PDE3B: variants seen among roughly 807,000 people sequenced by gnomAD.
The protein encoded by PDE3B is cGMP-inhibited 3',5'-cyclic phosphodiesterase 3B.
A neutral mutation model predicts 116.8 loss-of-function variants in PDE3B; 66 were observed. The observed-to-expected ratio is 0.56, with a 90% CI of 0.46 to 0.69. The LOEUF is 0.69. Among genes scored for constraint, PDE3B ranks in the 30% least tolerant of loss-of-function variants. The pLI, the probability that PDE3B is intolerant of heterozygous loss-of-function variation, is 0.00. For synonymous variants in PDE3B, 595 were observed against 533.6 expected, an observed-to-expected ratio of 1.12 and a Z score of -1.59; for missense variants, 1,384 against 1,368.1, an observed-to-expected ratio of 1.01 and a Z score of -0.18.
chr11:14,733,100 CAG>C (rs1473678534), intron 1 of PDE3B, among the ~76,000 whole-genome samples: 1 of 152,084 alleles, frequency 6.6e-6, no homozygotes, highest in Non-Finnish European at 1.5e-5. Flanking sequence ...TACAAAATGA[CAG>C]TGTAAAAATG....
At chr11:14,882,829 G>A in the PDE3B span, among the ~76,000 whole-genome samples, 1 of 152,188 alleles carries the variant, frequency 6.6e-6, no homozygotes, top group Non-Finnish European at 1.5e-5. Context: ...AGCAACTTCA[G>A]CAAATTCTCA....
chr11:14,644,873 C>G lies in PDE3B; in HGVS notation c.798C>G (p.Phe266Leu). The G allele has an allele frequency of 6.2e-7, 1 of 1,614,012 alleles. No homozygotes were observed. The highest frequency in any genetic ancestry group is 1.1e-5 in the South Asian group (1 of 91,082). ...TGCTGGCCCTGGGGTTGGATCACTTCTTTCAAATCAGGGAAGCGCCTCTTC... is the reference window on the plus strand; with the variant it reads ...TGCTGGCCCTGGGGTTGGATCACTTGTTTCAAATCAGGGAAGCGCCTCTTC... ...GCLLALGLDH[F>L]FQIREAPLHP... Residue 266 changes from phenylalanine (F) to leucine (L), a missense_variant, in exon 1 of 16, where the codon TTC becomes TTG. Phe to Leu is a conservative substitution (Grantham distance 22). Coordinates refer to ENST00000282096, the MANE Select transcript of PDE3B (RefSeq NM_000922.4).
Position 14,733,026 on chromosome 11 carries a change from T to C in PDE3B, c.979-38911T>C, listed in dbSNP as rs544967601. 2.6e-5 allele frequency among the ~76,000 whole-genome samples: 4 copies of C among 152,360 alleles called. No homozygotes were observed. In the East Asian group the frequency reaches 7.7e-4, roughly 29 times the overall value. ...TAAATTCCTAATACTTAAAAACGTA[T>C]ATGAAAAATTTATTTTCACAAATCG... On this transcript the variant is annotated intron_variant, in intron 1 of 15. Transcript: ENST00000282096.
At position 14,771,969 on chromosome 11, in the gene PDE3B, G is replaced by T. The variant is rs766300624; in HGVS notation, c.1011G>T (p.Trp337Cys). 2.9e-6 allele frequency: 4 copies of T among 1,364,634 alleles called. No homozygotes were observed. In the South Asian group the frequency reaches 5.8e-5, roughly 20 times the overall value. 84.5% of individuals were successfully genotyped at this position (1,364,634 alleles called of 1,614,324 possible). Residue 337 changes from tryptophan (W) to cysteine (C), a missense_variant, in exon 2 of 16, where the codon TGG becomes TGT. Trp to Cys is a radical substitution (Grantham distance 215). Around this residue, in one of 2 missense-constraint regions of PDE3B, gnomAD observed 956 missense variants for 806.8 expected, o/e 1.18. Coordinates refer to ENST00000282096, the MANE Select transcript of PDE3B (RefSeq NM_000922.4). ...TTTGGGATTGGGACTTAAAACAATG[G>T]TATAAGCCTCATTATCAAGTAAGTA... ...MILWDWDLKQ[W>C]YKPHYQNSGG...
chr11:14,751,882 G>T (rs1397735034), intron 1 of PDE3B, among the ~76,000 whole-genome samples: 1 of 152,086 alleles, frequency 6.6e-6, no homozygotes, highest in Non-Finnish European at 1.5e-5. Flanking sequence ...ATATTTCCAG[G>T]CTGCCCTTGC....
At chr11:14,765,985 A>G (rs940947450) in intron 1 of PDE3B, among the ~76,000 whole-genome samples, 2 of 151,550 alleles carry the variant, frequency 1.3e-5, no homozygotes, top group South Asian at 2.1e-4. Context: ...ATTTTATTAT[A>G]TAGGAGGAAT....
At chr11:14,780,189 G>A (rs76082595) in intron 2 of PDE3B, among the ~76,000 whole-genome samples, 1 of 152,118 alleles carries the variant, frequency 6.6e-6, no homozygotes, top group Non-Finnish European at 1.5e-5. Context: ...CCTACAAAGA[G>A]ACTTAGACTC....
rs1555006575 is a variant in PDE3B, at chr11:14,858,825, A to ATGTATGTTGGAAGGAAAGG, written c.2521-212_2521-194dup. ...TATAACCCTTTCACTTACTAGAGCT[A>ATGTATGTTGGAAGGAAAGG]TGTATGTTGGAAGGAAAGGTGTATC... On this transcript the variant is annotated intron_variant, in intron 12 of 15. Coordinates refer to ENST00000282096, the MANE Select transcript of PDE3B (RefSeq NM_000922.4). Among the ~76,000 whole-genome samples the ATGTATGTTGGAAGGAAAGG allele has an allele frequency of 3.9e-5, 6 of 152,320 alleles. No homozygotes were observed. In the South Asian group the frequency reaches 1.2e-3, roughly 32 times the overall value.
chr11:14,724,217 G>T (rs1392644721), intron 1 of PDE3B, among the ~76,000 whole-genome samples: 1 of 152,152 alleles, frequency 6.6e-6, no homozygotes, highest in Non-Finnish European at 1.5e-5. Flanking sequence ...CCAGGGGGTT[G>T]GGGAGAAGGC....
At chr11:14,657,657 C>A (rs1258096402) in intron 1 of PDE3B, among the ~76,000 whole-genome samples, 1 of 152,152 alleles carries the variant, frequency 6.6e-6, no homozygotes, top group Non-Finnish European at 1.5e-5. Flanking sequence ...CCTGAAAACT[C>A]ATTTCTTCAG....
At chr11:14,874,005 G>A (rs1261289862), downstream of PDE3B, among the ~76,000 whole-genome samples, 1 of 152,086 alleles carries the variant, frequency 6.6e-6, no homozygotes, top group African/African-American at 2.4e-5. Flanking sequence ...TGGGTAACAT[G>A]GCTCTCAGTA....
At chr11:14,883,522 C>T in the PDE3B span, among the ~76,000 whole-genome samples, 1 of 151,016 alleles carries the variant, frequency 6.6e-6, no homozygotes, top group Admixed American at 6.6e-5. Context: ...ACACCTTATA[C>T]AAAAATTAAT....
intron 7 of PDE3B, among the ~76,000 whole-genome samples, chr11:14,822,337 G>A (rs2133953722): frequency 6.6e-6 from 1 of 152,344 alleles, no homozygotes; most frequent in African/African-American, 2.4e-5. Flanking sequence ...AGCAGCTAAT[G>A]TGCACTGCTG....
intron 4 of PDE3B, among the ~76,000 whole-genome samples, chr11:14,790,648 T>G (rs1359612939): frequency 6.6e-6 from 1 of 152,050 alleles, no homozygotes; most frequent in Non-Finnish European, 1.5e-5. Context: ...TAAAGCTAAA[T>G]GTAGGTAGAT....
chr11:14,840,092 C>T (rs897053026), intron 11 of PDE3B, among the ~76,000 whole-genome samples: 2 of 152,166 alleles, frequency 1.3e-5, no homozygotes, highest in African/African-American at 4.8e-5. Context: ...GCAAGAGAAG[C>T]ATGTGAAGCA....
intron 2 of PDE3B, chr11:14,774,726 C>A (rs537311970): frequency 6.6e-6 from 1 of 152,294 alleles, no homozygotes; most frequent in South Asian, 2.1e-4. Context: ...TTTGAATATT[C>A]AATTTGATCT....
At chr11:14,762,646 G>C (rs945544656) in intron 1 of PDE3B, among the ~76,000 whole-genome samples, 1 of 152,204 alleles carries the variant, frequency 6.6e-6, no homozygotes, top group African/African-American at 2.4e-5. Context: ...GTTGAGAATA[G>C]ATTCTACCTG....
intron 1 of PDE3B, among the ~76,000 whole-genome samples, chr11:14,688,103 CTCTCTCTCTT>C (rs1854929866): frequency 6.9e-6 from 1 of 144,624 alleles, no homozygotes; most frequent in African/African-American, 2.6e-5. Context: ...TTCTTTCTCT[CTCTCTCTCTT>C]TCTCTCTCTC....
chr11:14,646,329 A>G (rs1853405761), intron 1 of PDE3B, among the ~76,000 whole-genome samples: 1 of 152,182 alleles, frequency 6.6e-6, no homozygotes. Flanking sequence ...CGTGTTGAAC[A>G]CTGATCTGTA....
Sources: allele counts gnomAD v4.1 joint callset (sites outside exome capture counted in the v4.1 genomes callset), GRCh38; gene constraint gnomAD v4.1.1; regional missense constraint gnomAD v4.1.1; transcripts MANE v1.5; gene names NCBI Gene and HGNC (gene_info 2026-07-23, HGNC 2026-07-21).